The following SLCO3A1 variants were observed in gnomAD, a reference collection of about 807,000 sequenced individuals.
SLCO3A1 encodes the protein solute carrier organic anion transporter family member 3A1.
SLCO3A1 carries 27 observed loss-of-function variants against 63.1 expected under a neutral mutation model. The ratio of observed to expected loss-of-function variants is 0.43; its 90% CI spans 0.32 to 0.59. The LOEUF is 0.59. Ranked by LOEUF, SLCO3A1 falls within the 20% of genes least tolerant of loss-of-function variation. SLCO3A1 has a pLI of 0.09. For synonymous variants in SLCO3A1, 473 were observed against 409.9 expected (o/e 1.15, Z -1.86); for missense variants, 773 against 945.8 (o/e 0.82, Z 2.40).
At chr15:91,953,369 G>T (rs1900061875) in intron 2 of SLCO3A1, among the ~76,000 whole-genome samples, 3 of 152,320 alleles carry the variant, frequency 2.0e-5, no homozygotes, top group South Asian at 2.1e-4. Flanking sequence ...GTTCTCCCAG[G>T]AGACACAGGC....
In SLCO3A1 at chr15:91,957,890, T is replaced by C. The variant is rs140401242; in HGVS notation, c.646+41432T>C. Among the ~76,000 whole-genome samples, 685 of 152,266 alleles carry C rather than the reference T, an allele frequency of 4.5e-3. 5 individuals are homozygous for C. Among genetic ancestry groups the C allele is most frequent in the African/African-American group, 0.016 (656 of 41,540 alleles). ...AGTTCAGTGCTATATTCCCAGTGCA[T>C]AAAGCATGGCCTGGCACATAACAGG... On this transcript the variant is annotated intron_variant, in intron 2 of 9. Coordinates refer to ENST00000318445, the MANE Select transcript of SLCO3A1 (RefSeq NM_013272.4).
intron 2 of SLCO3A1, among the ~76,000 whole-genome samples, chr15:92,075,412 A>G (rs966091447): frequency 3.3e-5 from 5 of 152,144 alleles, no homozygotes; most frequent in East Asian, 3.9e-4. Flanking sequence ...AGCTGACTCT[A>G]TGAGAATATG....
chr15:92,131,240 C>G (rs1394111763), intron 7 of SLCO3A1, among the ~76,000 whole-genome samples: 2 of 152,136 alleles, frequency 1.3e-5, no homozygotes, highest in Non-Finnish European at 2.9e-5. Flanking sequence ...TCTGTACCTC[C>G]CCTAAGAGGT....
At position 91,883,500 on chromosome 15, in the gene SLCO3A1, T is replaced by C. The variant is rs1897648399; in HGVS notation, c.180+29412T>C. Among the ~76,000 whole-genome samples the C allele has an allele frequency of 6.6e-6, 1 of 152,196 alleles. No individual in the cohort carries two copies. ...CGCACTGACTGGCTGGGGCCCTTCA[T>C]CCTTTGCATTTTCTTGCATGCAGTA... On this transcript the variant is annotated intron_variant, in intron 1 of 9. Coordinates refer to ENST00000318445, the MANE Select transcript of SLCO3A1 (RefSeq NM_013272.4). This position sits in a 1 kb window ranked among gnomAD's most constrained non-coding sequence, Gnocchi z 4.8.
chr15:92,074,169 C>G (rs2047248989), intron 2 of SLCO3A1, among the ~76,000 whole-genome samples: 1 of 152,170 alleles, frequency 6.6e-6, no homozygotes, highest in Non-Finnish European at 1.5e-5. Context: ...GAAACTCCTT[C>G]TGAAAAAATA....
At chr15:91,924,401 T>C (rs1173116171) in intron 2 of SLCO3A1, among the ~76,000 whole-genome samples, 1 of 152,200 alleles carries the variant, frequency 6.6e-6, no homozygotes, top group Non-Finnish European at 1.5e-5. Flanking sequence ...GGTTAGCATG[T>C]CTCGAACACA....
chr15:92,119,670 G>T (rs1281185860), intron 4 of SLCO3A1, among the ~76,000 whole-genome samples: 2 of 152,188 alleles, frequency 1.3e-5, no homozygotes, highest in African/African-American at 4.8e-5. Flanking sequence ...GGAAGAGGAG[G>T]GGCTAGGGGG....
At chr15:91,913,048 G>T (rs149339172) in intron 1 of SLCO3A1, among the ~76,000 whole-genome samples, 1 of 152,318 alleles carries the variant, frequency 6.6e-6, no homozygotes, top group East Asian at 1.9e-4. Flanking sequence ...TACTTGCCCA[G>T]ACCCTTCAGA....
intron 2 of SLCO3A1, among the ~76,000 whole-genome samples, chr15:91,969,900 A>G (rs1485814285): frequency 6.6e-6 from 1 of 152,182 alleles, no homozygotes; most frequent in African/African-American, 2.4e-5. Flanking sequence ...TGGGTAGAAG[A>G]AAATTTGACC....
chr15:91,987,321 C>T (rs890701501), intron 2 of SLCO3A1, among the ~76,000 whole-genome samples: 24 of 152,072 alleles, frequency 1.6e-4, no homozygotes, highest in African/African-American at 4.6e-4. Context: ...TTATTCAACA[C>T]GTATTTACTG....
chr15:92,032,983 C>T (rs2046673985), intron 2 of SLCO3A1, among the ~76,000 whole-genome samples: 1 of 152,090 alleles, frequency 6.6e-6, no homozygotes, highest in Non-Finnish European at 1.5e-5. Context: ...GATTTTGAGG[C>T]ATCAGGGGAA....
intron 1 of SLCO3A1, among the ~76,000 whole-genome samples, chr15:91,861,721 T>C (rs1354779660): frequency 6.6e-6 from 1 of 152,066 alleles, no homozygotes; most frequent in Non-Finnish European, 1.5e-5. Context: ...CGTCCCAGGC[T>C]GAAATGATCC....
intron 2 of SLCO3A1, among the ~76,000 whole-genome samples, chr15:92,093,351 C>G (rs1166652614): frequency 6.6e-6 from 1 of 152,156 alleles, no homozygotes; most frequent in African/African-American, 2.4e-5. Flanking sequence ...GTCCCAGATT[C>G]CTTTAAACAA....
intron 2 of SLCO3A1, among the ~76,000 whole-genome samples, chr15:91,982,934 AC>A (rs1285428541): frequency 6.6e-6 from 1 of 152,106 alleles, no homozygotes; most frequent in East Asian, 1.9e-4. Flanking sequence ...CATCACCTCC[AC>A]CCCAAACTCC....
chr15:92,089,227 C>T (rs916650943), intron 2 of SLCO3A1, among the ~76,000 whole-genome samples: 1 of 151,996 alleles, frequency 6.6e-6, no homozygotes, highest in Non-Finnish European at 1.5e-5. Context: ...AGGGTTTCAC[C>T]GTGTTAGCCA....
chr15:92,031,105 C>T (rs2046642775), intron 2 of SLCO3A1, among the ~76,000 whole-genome samples: 1 of 152,124 alleles, frequency 6.6e-6, no homozygotes, highest in African/African-American at 2.4e-5. Flanking sequence ...AAATGTTCTG[C>T]ACGCATTTCT....
In SLCO3A1 at chr15:91,967,374, A is replaced by G. The variant is rs556527796; in HGVS notation, c.646+50916A>G. On this transcript the variant is annotated intron_variant, in intron 2 of 9. Transcript: ENST00000318445. The surrounding 1 kb of genome is among the most constrained non-coding windows in gnomAD (Gnocchi z 4.4). ...AATGAACAGCAGTATAGATTAACCC[A>G]TAAGAGTCCAAATAACTCCCCCTGC... Among the ~76,000 whole-genome samples, 456 of 152,320 alleles carry G rather than the reference A, an allele frequency of 3.0e-3. 3 individuals are homozygous for G. The highest frequency in any genetic ancestry group is 0.01 in the African/African-American group (431 of 41,584).
At chr15:91,884,655 A>G (rs1897678907) in intron 1 of SLCO3A1, among the ~76,000 whole-genome samples, 1 of 152,024 alleles carries the variant, frequency 6.6e-6, no homozygotes, top group South Asian at 2.1e-4. Flanking sequence ...TGAAATGTCT[A>G]TTTTCTAGTA....
At chr15:92,069,125 C>T (rs2047187219) in intron 2 of SLCO3A1, among the ~76,000 whole-genome samples, 1 of 144,022 alleles carries the variant, frequency 6.9e-6, no homozygotes, top group Admixed American at 7.0e-5. Context: ...CCACTCCCCC[C>T]AGGGGACATT....
Sources: allele counts gnomAD v4.1 joint callset (sites outside exome capture counted in the v4.1 genomes callset), GRCh38; gene constraint gnomAD v4.1.1; non-coding constraint Gnocchi (gnomAD v3.1); transcripts MANE v1.5; gene names NCBI Gene and HGNC (gene_info 2026-07-23, HGNC 2026-07-21).